Variants in POU2F2 observed in about 807,000 individuals in gnomAD.
The protein encoded by POU2F2 is POU domain, class 2, transcription factor 2.
A neutral mutation model predicts 63.5 loss-of-function variants in POU2F2; 14 were observed. The ratio of observed to expected loss-of-function variants is 0.22; its 90% CI spans 0.15 to 0.34. The LOEUF is 0.34. Ranked by LOEUF, POU2F2 falls within the 10% of genes least tolerant of loss-of-function variation. POU2F2 has a pLI of 1.00. For missense variants in POU2F2, 607 were observed against 815.2 expected (o/e 0.74, Z 3.11); for synonymous variants, 306 against 348.6 (o/e 0.88, Z 1.36).
At chr19:42,133,928 T>A (rs953981600), upstream of POU2F2, among the ~76,000 whole-genome samples, 3 of 151,734 alleles carry the variant, frequency 2.0e-5, no homozygotes, top group African/African-American at 7.3e-5. The surrounding 1 kb of genome is among the most constrained non-coding windows in gnomAD (Gnocchi z 5.1). Context: ...GGCAAGCAGG[T>A]GGGCACAACA....
Position 42,095,635 on chromosome 19 carries a change from C to T in POU2F2, c.930G>A (p.Leu310=). 6.2e-7 allele frequency: 1 copy of T among 1,613,130 alleles called. No individual in the cohort carries two copies. Among genetic ancestry groups the T allele is most frequent in the Non-Finnish European group, 8.5e-7 (1 of 1,179,834 alleles). Residue 310 remains leucine, a synonymous_variant, in exon 10 of 15, where the codon CTG becomes CTA. Transcript: ENST00000692977. This position sits in a 1 kb window ranked among gnomAD's most constrained non-coding sequence, Gnocchi z 7.1. The part of the protein sequence containing the change: ...PSPNQLSSPS[L]GFDGLPGRRR... Reference sequence around the variant, plus strand: ...TCCGGCCGGGCAGGCCGTCGAAACCCAGGCTGGGGCTGCTCAGCTGGTTGG... The same window carrying T: ...TCCGGCCGGGCAGGCCGTCGAAACCTAGGCTGGGGCTGCTCAGCTGGTTGG...
intron 1 of POU2F2, among the ~76,000 whole-genome samples, chr19:42,164,029 A>G (rs1284891152): frequency 2.0e-5 from 3 of 152,340 alleles, no homozygotes; most frequent in Admixed American, 2.0e-4. Flanking sequence ...TACAAAATAC[A>G]CATCCAGATG....
At chr19:42,173,596 T>C (rs1303000794) in intron 1 of POU2F2, among the ~76,000 whole-genome samples, 5 of 150,294 alleles carry the variant, frequency 3.3e-5, no homozygotes, top group Admixed American at 1.3e-4. Flanking sequence ...GCATGCTGTC[T>C]AGGACGTATA....
intron 12 of POU2F2, among the ~76,000 whole-genome samples, chr19:42,093,112 G>T (rs1176867566): frequency 1.4e-5 from 2 of 147,334 alleles, no homozygotes; most frequent in Non-Finnish European, 3.0e-5. Context: ...CCGGATTCAA[G>T]TGATTCTCCT....
At chr19:42,187,064 G>C (rs2035019976) in intron 1 of POU2F2, among the ~76,000 whole-genome samples, 2 of 152,150 alleles carry the variant, frequency 1.3e-5, no homozygotes, top group South Asian at 4.1e-4. Flanking sequence ...CATTAGCATA[G>C]AGTTGATAGC....
chr19:42,126,398 G>A (rs1433442136), intron 1 of POU2F2, among the ~76,000 whole-genome samples: 6 of 151,350 alleles, frequency 4.0e-5, no homozygotes, highest in African/African-American at 9.7e-5. Context: ...AGCCGAGATC[G>A]TGCCACTGCA....
chr19:42,190,812 A>G (rs1229082025), intron 1 of POU2F2, among the ~76,000 whole-genome samples: 3 of 152,204 alleles, frequency 2.0e-5, no homozygotes, highest in Non-Finnish European at 4.4e-5. Flanking sequence ...ACGTCGAGGC[A>G]TACCTGGTAG....
chr19:42,165,748 A>T (rs2034637413), intron 1 of POU2F2, among the ~76,000 whole-genome samples: 1 of 152,184 alleles, frequency 6.6e-6, no homozygotes, highest in Admixed American at 6.5e-5. Flanking sequence ...GACCGTGCTT[A>T]TAGGGAACTT....
chr19:42,103,472 T>A (rs1421269028), intron 5 of POU2F2, among the ~76,000 whole-genome samples: 3 of 152,210 alleles, frequency 2.0e-5, no homozygotes, highest in Admixed American at 6.5e-5. Flanking sequence ...AGCTATAACA[T>A]GTTACTTACA....
rs1050341021 is a variant in POU2F2 at position 42,155,008 on chromosome 19, T to G, written c.-9+5324A>C. Among the ~76,000 whole-genome samples, 2 of 152,062 alleles carry G rather than the reference T, an allele frequency of 1.3e-5. No homozygotes were observed. Among genetic ancestry groups the G allele is most frequent in the Non-Finnish European group, 2.9e-5 (2 of 67,990 alleles). On this transcript the variant is annotated intron_variant, in intron 2 of 6. Coordinates refer to the POU2F2 transcript ENST00000524801. The surrounding 1 kb of genome is among the most constrained non-coding windows in gnomAD (Gnocchi z 4.2). ...CCGCCACCTCACCCTCCACACACAG[T>G]CCACACACACCAGGGCCTTGGCCAA...
chr19:42,178,153 G>T (rs900290192), upstream of POU2F2, among the ~76,000 whole-genome samples: 1 of 151,874 alleles, frequency 6.6e-6, no homozygotes, highest in Admixed American at 6.6e-5. Context: ...TGGGGGGAGA[G>T]GAGGGAGGAG....
At chr19:42,195,355 C>T (rs547045768) in intron 1 of POU2F2, among the ~76,000 whole-genome samples, 5 of 116,332 alleles carry the variant, frequency 4.3e-5, no homozygotes, top group Admixed American at 1.0e-4. Context: ...TTTTTTGAGA[C>T]GGAGTCTCAT....
chr19:42,117,010 G>T lies in POU2F2; in HGVS notation c.369+240C>A. ...AGCTGGCATCAGTGCCGTGAGCTGC[G>T]GGGTGTCGGGGACAGCAGGAATTGG... On this transcript the variant is annotated intron_variant, in intron 5 of 14. Transcript: ENST00000692977. The surrounding 1 kb of genome is among the most constrained non-coding windows in gnomAD (Gnocchi z 4.4). 1.6e-6 allele frequency: 1 copy of T among 625,364 alleles called. No homozygotes were observed. The highest frequency in any genetic ancestry group is 2.9e-6 in the Non-Finnish European group (1 of 345,470). The allele number at this position is 625,364 out of a possible 1,614,324, so 38.7% of individuals were successfully genotyped here.
chr19:42,160,454 T>C (rs1422522558), intron 1 of POU2F2: 1 of 152,192 alleles, frequency 6.6e-6, no homozygotes, highest in African/African-American at 2.4e-5. Flanking sequence ...TGCAGGATGA[T>C]GCACTCCTCC....
At chr19:42,178,386 A>G (rs1157457384), upstream of POU2F2, among the ~76,000 whole-genome samples, 1 of 152,240 alleles carries the variant, frequency 6.6e-6, no homozygotes, top group Non-Finnish European at 1.5e-5. Flanking sequence ...ATAGATATGC[A>G]CAAATCAGAG....
At chr19:42,171,587 C>T (rs1315722069) in intron 1 of POU2F2, among the ~76,000 whole-genome samples, 2 of 152,046 alleles carry the variant, frequency 1.3e-5, no homozygotes, top group African/African-American at 4.8e-5. Context: ...GTTTCTCAAG[C>T]AGTTGTGAGC....
At chr19:42,109,989 A>T (rs1376358359) in intron 5 of POU2F2, among the ~76,000 whole-genome samples, 1 of 152,082 alleles carries the variant, frequency 6.6e-6, no homozygotes, top group Non-Finnish European at 1.5e-5. Flanking sequence ...GGATGCAGTG[A>T]CTCACGCTTA....
chr19:42,173,506 T>A (rs2034810647), intron 1 of POU2F2, among the ~76,000 whole-genome samples: 1 of 144,922 alleles, frequency 6.9e-6, no homozygotes, highest in African/African-American at 2.6e-5. Flanking sequence ...AAGAAGGGAG[T>A]GTATATGAAC....
chr19:42,147,007 C>G (rs562716504), intron 2 of POU2F2, among the ~76,000 whole-genome samples: 56 of 152,318 alleles, frequency 3.7e-4, no homozygotes, highest in Non-Finnish European at 6.8e-4. Context: ...GAAGGTGTCC[C>G]TTCTTCCATG....
Sources: gnomAD v4.1 joint callset for allele counts (sites outside exome capture counted in the v4.1 genomes callset) on GRCh38, gnomAD v4.1.1 for gene constraint, Gnocchi (gnomAD v3.1) non-coding constraint, MANE v1.5 for transcripts, NCBI Gene and HGNC (gene_info 2026-07-23, HGNC 2026-07-21) for gene names.